The following DST variants were observed in gnomAD, a reference collection of about 807,000 sequenced individuals.
The protein encoded by DST is dystonin.
Under a neutral mutation model 875.2 loss-of-function variants are expected in DST, and 253 were observed. That is an observed-to-expected ratio of 0.29 (90% CI 0.26 to 0.32). DST has a LOEUF of 0.32. Among genes scored for constraint, DST ranks in the 10% least tolerant of loss-of-function variants. DST has a pLI of 1.00. For synonymous variants in DST, 3,124 were observed against 3,197.1 expected (o/e 0.98, Z 0.77); for missense variants, 8,287 against 9,111.6 (o/e 0.91, Z 3.68).
chr6:56,836,573 G>A (rs1393329604), intron 4 of DST, among the ~76,000 whole-genome samples: 1 of 152,090 alleles, frequency 6.6e-6, no homozygotes, highest in African/African-American at 2.4e-5. Context: ...CAAAGGGGCC[G>A]GGCGCGGTGG....
At chr6:56,707,730 C>T (rs1273543091) in intron 5 of DST, among the ~76,000 whole-genome samples, 1 of 152,142 alleles carries the variant, frequency 6.6e-6, no homozygotes, top group East Asian at 1.9e-4. Flanking sequence ...CTTGACTTGC[C>T]AGACTGAACA....
At chr6:56,728,259 T>C (rs964307953) in intron 5 of DST, among the ~76,000 whole-genome samples, 2 of 152,212 alleles carry the variant, frequency 1.3e-5, no homozygotes, top group Admixed American at 6.5e-5. Flanking sequence ...AACAAAAAGT[T>C]TGTCTTCTTG....
Position 56,504,566 on chromosome 6 carries a change from G to A in DST, c.19465-468C>T, listed in dbSNP as rs956669594. On this transcript the variant is annotated intron_variant, in intron 77 of 103. Transcript: ENST00000680361. ...TTATTTAGATTAGCATTAAGATCCTGCACATATAAATTATTAGCATTAAGA... is the reference window on the plus strand; with the variant it reads ...TTATTTAGATTAGCATTAAGATCCTACACATATAAATTATTAGCATTAAGA... Among the ~76,000 whole-genome samples the A allele has an allele frequency of 5.9e-5, 9 of 152,158 alleles. No homozygotes were observed. In the South Asian group the frequency reaches 1.2e-3, roughly 21 times the overall value.
chr6:56,645,819 G>GC (rs763719471), intron 15 of DST, 47 bp downstream of exon 15: 5 of 1,599,002 alleles, frequency 3.1e-6, no homozygotes, highest in Non-Finnish European at 4.3e-6. Flanking sequence ...GAACACAAAG[G>GC]CCCCCTCCCC....
chr6:56,705,267 A>T (rs1588939049), intron 5 of DST, among the ~76,000 whole-genome samples: 1 of 152,242 alleles, frequency 6.6e-6, no homozygotes, highest in South Asian at 2.1e-4. Context: ...CCATGAAAGG[A>T]GCCAAAGAAG....
chr6:56,559,741 G>A (rs891935227), intron 58 of DST, among the ~76,000 whole-genome samples: 4 of 152,008 alleles, frequency 2.6e-5, no homozygotes, highest in Non-Finnish European at 5.9e-5. Context: ...AATAGGGCTT[G>A]TAAAGAAAAT....
intron 17 of DST, 136 bp from the exon 18 acceptor site, chr6:56,640,741 A>G: frequency 2.7e-6 from 2 of 728,382 alleles, no homozygotes; most frequent in Admixed American, 2.1e-5. Flanking sequence ...AATGTGCCAC[A>G]CTAATGCAAG....
chr6:56,530,203 T>C, intron 64 of DST, 70 bp from the exon 65 acceptor site: 1 of 1,256,030 alleles, frequency 8.0e-7, no homozygotes, highest in Non-Finnish European at 1.1e-6. Flanking sequence ...TCTTCAGTCA[T>C]GCTCTTGCAA....
intron 2 of DST, among the ~76,000 whole-genome samples, chr6:56,908,138 T>C (rs1015370177): frequency 1.3e-5 from 2 of 150,702 alleles, no homozygotes; most frequent in African/African-American, 5.0e-5. Context: ...CATATATGTA[T>C]ATATAATGTT....
chr6:56,653,641 T>C (rs1274124327), intron 10 of DST, among the ~76,000 whole-genome samples: 8 of 152,072 alleles, frequency 5.3e-5, no homozygotes, highest in African/African-American at 1.9e-4. Flanking sequence ...GCCGAGATCA[T>C]GCCACTGCAC....
intron 3 of DST, among the ~76,000 whole-genome samples, chr6:56,879,293 C>A (rs1431929610): frequency 6.6e-6 from 1 of 151,968 alleles, no homozygotes; most frequent in Non-Finnish European, 1.5e-5. Flanking sequence ...ACGGTGAAAC[C>A]CCCGTCTCTA....
At chr6:56,877,134 G>A (rs547814532) in intron 3 of DST, among the ~76,000 whole-genome samples, 1 of 152,192 alleles carries the variant, frequency 6.6e-6, no homozygotes, top group African/African-American at 2.4e-5. Flanking sequence ...CTGATCAAAT[G>A]TCACCTTATC....
chr6:56,781,818 C>T (rs1022449086), intron 4 of DST, among the ~76,000 whole-genome samples: 1 of 152,070 alleles, frequency 6.6e-6, no homozygotes, highest in Non-Finnish European at 1.5e-5. Flanking sequence ...AAAGGGAATG[C>T]TTCCAGTTTT....
At chr6:56,695,698 T>G (rs2099259660) in intron 9 of DST, among the ~76,000 whole-genome samples, 1 of 152,234 alleles carries the variant, frequency 6.6e-6, no homozygotes, top group Non-Finnish European at 1.5e-5. Flanking sequence ...ATTACCTTAG[T>G]ATCTCTGGAT....
rs1210781687 is a variant in DST, at chr6:56,552,637, C to T, written c.16155G>A (p.Gly5385=). The T allele has an allele frequency of 1.9e-6, 3 of 1,613,912 alleles. No individual in the cohort carries two copies. The highest frequency in any genetic ancestry group is 1.1e-5 in the South Asian group (1 of 91,070). The change falls in exon 61 of 104, where the codon GGG becomes GGA. Residue 5385 remains glycine (G), a synonymous_variant. Coordinates refer to ENST00000680361, the MANE Select transcript of DST (RefSeq NM_001374736.1). ...SFLETKLQGI[G]HFQNTIREMF... The stretch of plus-strand genomic sequence containing the variant: ...TTTCTCGAATGGTATTCTGGAAATG[C>T]CCAATGCCCTGAAGCTTGGTTTCTA...
intron 4 of DST, among the ~76,000 whole-genome samples, chr6:56,810,896 G>A (rs1304821127): frequency 6.6e-6 from 1 of 151,974 alleles, no homozygotes; most frequent in Non-Finnish European, 1.5e-5. Context: ...AAAGTAGAAT[G>A]GGAAGCTGGG....
intron 16 of DST, 68 bp downstream of exon 16, chr6:56,642,342 G>A: frequency 8.7e-7 from 1 of 1,154,654 alleles, no homozygotes; most frequent in Non-Finnish European, 1.3e-6. Flanking sequence ...TTATGTAAAA[G>A]TTTTAGTTCA....
chr6:56,937,374 A>G (rs900738627), intron 2 of DST, among the ~76,000 whole-genome samples: 10 of 152,228 alleles, frequency 6.6e-5, no homozygotes, highest in Non-Finnish European at 1.2e-4. Context: ...ACACTTCACC[A>G]GAGAAGATAT....
chr6:56,881,994 C>T (rs1782457770), intron 3 of DST, among the ~76,000 whole-genome samples: 1 of 152,198 alleles, frequency 6.6e-6, no homozygotes, highest in Admixed American at 6.5e-5. Flanking sequence ...TGAATGAACA[C>T]AGAAATCCAC....
Sources: allele counts gnomAD v4.1 joint callset (sites outside exome capture counted in the v4.1 genomes callset), GRCh38; gene constraint gnomAD v4.1.1; transcripts MANE v1.5; gene names NCBI Gene and HGNC (gene_info 2026-07-23, HGNC 2026-07-21).